The following DIP2B variants were observed in gnomAD, a reference collection of about 807,000 sequenced individuals.
DIP2B encodes DIP2 acetate--CoA ligase B (putative), also known as disco-interacting protein 2 homolog B.
DIP2B carries 76 observed loss-of-function variants against 198.0 expected under a neutral mutation model. The ratio of observed to expected loss-of-function variants is 0.38; its 90% CI spans 0.32 to 0.46. The LOEUF (loss-of-function observed/expected upper bound fraction) is 0.46, where lower values mean the gene tolerates loss of function less well. DIP2B is among the 20% of genes least tolerant of loss of function. DIP2B has a pLI of 0.99. For missense variants in DIP2B, 1,559 were observed against 1,978.4 expected, an observed-to-expected ratio of 0.79 and a Z score of 4.02; for synonymous variants, 701 against 739.1, an observed-to-expected ratio of 0.95 and a Z score of 0.84.
chr12:50,645,223 A>G (rs1938329147), intron 3 of DIP2B, among the ~76,000 whole-genome samples: 1 of 152,250 alleles, frequency 6.6e-6, no homozygotes, highest in South Asian at 2.1e-4. Flanking sequence ...GTTTGGCAAT[A>G]TCATTAAAAT....
At chr12:50,679,505 A>G (rs1397455069) in intron 8 of DIP2B, 1 of 152,410 alleles carries the variant, frequency 6.6e-6, no homozygotes. Context: ...GCAGGTTGAC[A>G]TAGTTTAAAC....
At chr12:50,549,725 A>C (rs547169341) in intron 1 of DIP2B, among the ~76,000 whole-genome samples, 21 of 140,156 alleles carry the variant, frequency 1.5e-4, no homozygotes, top group Admixed American at 1.4e-3. Context: ...AAAAAAAGCC[A>C]TGTGGTTGTT....
chr12:50,675,267 C>G, intron 6 of DIP2B, 62 bp from the exon 7 acceptor site: 1 of 1,580,250 alleles, frequency 6.3e-7, no homozygotes, highest in Non-Finnish European at 8.6e-7. Context: ...CCTGAGGGAA[C>G]TGAGGAACTA....
chr12:50,585,390 G>A (rs1958761704), intron 1 of DIP2B, among the ~76,000 whole-genome samples: 1 of 152,222 alleles, frequency 6.6e-6, no homozygotes, highest in South Asian at 2.1e-4. Flanking sequence ...CAGATGAAGC[G>A]TGGGCTAAGG....
chr12:50,583,200 G>T (rs1463036627), intron 1 of DIP2B, among the ~76,000 whole-genome samples: 1 of 152,038 alleles, frequency 6.6e-6, no homozygotes, highest in Non-Finnish European at 1.5e-5. Context: ...CCACACACAT[G>T]TCCTTTATTC....
intron 1 of DIP2B, among the ~76,000 whole-genome samples, chr12:50,611,305 A>C (rs1565844292): frequency 6.6e-6 from 1 of 152,196 alleles, no homozygotes; most frequent in Non-Finnish European, 1.5e-5. Context: ...AAAGGATATC[A>C]GCTCTTGTAC....
intron 1 of DIP2B, among the ~76,000 whole-genome samples, chr12:50,535,878 G>A (rs1958261068): frequency 1.6e-5 from 2 of 124,562 alleles, no homozygotes; most frequent in Admixed American, 2.0e-4. Context: ...TCCCCAGAGT[G>A]TGATGTTCCC....
chr12:50,518,266 CCA>C (rs1357237271), intron 1 of DIP2B, among the ~76,000 whole-genome samples: 1 of 151,448 alleles, frequency 6.6e-6, no homozygotes, highest in East Asian at 1.9e-4. Flanking sequence ...CTCTTATTGC[CCA>C]GGCTGGAGTG....
chr12:50,643,405 CTGTGTGTGTGTGTGTGTG>C (rs57483938), intron 3 of DIP2B, among the ~76,000 whole-genome samples: 21 of 131,188 alleles, frequency 1.6e-4, no homozygotes, highest in African/African-American at 4.0e-4. Context: ...GGGAGTTTTT[CTGTGTGTGTGTGTGTGTG>C]TGTGTGTGTG....
In DIP2B at chr12:50,727,508, T is replaced by C. The variant is rs1313570485; in HGVS notation, c.3401-195T>C. Among the ~76,000 whole-genome samples the C allele has an allele frequency of 2.0e-5, 3 of 152,248 alleles. No homozygotes were observed. The South Asian group carries it at 6.2e-4, about 31-fold the overall frequency. ...TTTACCTGATGTAGATTTGCTTGCC[T>C]GTGTTGTCTAGTGTTGTCCTCAACC... On this transcript the variant is annotated intron_variant, in intron 28 of 37. Coordinates refer to ENST00000301180, the MANE Select transcript of DIP2B (RefSeq NM_173602.3).
chr12:50,639,578 C>T (rs964608010), intron 2 of DIP2B, among the ~76,000 whole-genome samples: 1 of 151,582 alleles, frequency 6.6e-6, no homozygotes, highest in African/African-American at 2.4e-5. Flanking sequence ...CTCCCCAGAC[C>T]GCTGCTTTGA....
chr12:50,577,979 T>C (rs1260194408), intron 1 of DIP2B, among the ~76,000 whole-genome samples: 4 of 152,232 alleles, frequency 2.6e-5, no homozygotes, highest in African/African-American at 9.7e-5. Flanking sequence ...AGTTAACTTT[T>C]CATACTGTGT....
At chr12:50,664,829 GGTTTTT>G (rs1938717978) in intron 4 of DIP2B, among the ~76,000 whole-genome samples, 1 of 5,078 alleles carries the variant, frequency 2.0e-4, no homozygotes, top group African/African-American at 3.4e-4. Flanking sequence ...CTCCTTTTTT[GGTTTTT>G]GTTTTTTTTT....
chr12:50,667,652 C>CTG (rs1196236521), intron 4 of DIP2B, among the ~76,000 whole-genome samples: 2 of 152,208 alleles, frequency 1.3e-5, no homozygotes, highest in African/African-American at 4.8e-5. Flanking sequence ...CCTCATTTCT[C>CTG]AGGTGGCATC....
chr12:50,624,966 G>A (rs1299863432), intron 1 of DIP2B, among the ~76,000 whole-genome samples: 1 of 152,120 alleles, frequency 6.6e-6, no homozygotes, highest in South Asian at 2.1e-4. Flanking sequence ...ATTTGTATCC[G>A]TCAGACATGC....
chr12:50,643,036 G>GTT (rs918198555), intron 3 of DIP2B, among the ~76,000 whole-genome samples: 1 of 151,794 alleles, frequency 6.6e-6, no homozygotes, highest in Non-Finnish European at 1.5e-5. Context: ...CTGTGTGTGT[G>GTT]TGTGTGTGAG....
intron 1 of DIP2B, among the ~76,000 whole-genome samples, chr12:50,563,637 T>A (rs1188998730): frequency 6.6e-6 from 1 of 151,606 alleles, no homozygotes; most frequent in Non-Finnish European, 1.5e-5. Flanking sequence ...CTGGGACTAC[T>A]GGTGTGGGCC....
At chr12:50,703,550 A>G (rs1488956005) in intron 19 of DIP2B, among the ~76,000 whole-genome samples, 1 of 152,208 alleles carries the variant, frequency 6.6e-6, no homozygotes, top group Admixed American at 6.5e-5. Context: ...AATAGCTACA[A>G]TTTCCTGAAT....
intron 2 of DIP2B, among the ~76,000 whole-genome samples, chr12:50,630,940 G>GGATT (rs1306752749): frequency 2.6e-5 from 4 of 151,818 alleles, no homozygotes; most frequent in African/African-American, 9.7e-5. Flanking sequence ...CAAAGTGCTG[G>GGATT]GATTACAGGT....
Sources: gnomAD v4.1 joint callset for allele counts (sites outside exome capture counted in the v4.1 genomes callset) on GRCh38, gnomAD v4.1.1 for gene constraint, MANE v1.5 for transcripts, NCBI Gene and HGNC (gene_info 2026-07-23, HGNC 2026-07-21) for gene names.